The following TCAF2 variants were observed in gnomAD, a reference collection of about 807,000 sequenced individuals.
TCAF2 encodes TRPM8 channel-associated factor 2.
Under a neutral mutation model 33.9 loss-of-function variants are expected in TCAF2, and 6 were observed. The ratio of observed to expected loss-of-function variants is 0.18; its 90% CI spans 0.10 to 0.35. TCAF2 has a LOEUF of 0.35. TCAF2 is among the 10% of genes least tolerant of loss of function. TCAF2 has a pLI of 1.00. For synonymous variants in TCAF2, 41 were observed against 247.8 expected (o/e 0.17, Z 7.84); for missense variants, 109 against 604.0 (o/e 0.18, Z 8.59).
rs1809725441 is a variant in TCAF2, at chr7:143,728,152, G to T, written c.*485G>T. ...AATCACTCCACCTCTCTGTGTTTCT[G>T]TCTTCACATCCATGACATGAGGATA... is the stretch of plus-strand genomic sequence containing the variant. On this transcript the variant is annotated 3_prime_UTR_variant, in exon 8 of 8. Transcript: ENST00000684770. 5.2e-6 allele frequency: 1 copy of T among 192,664 alleles called. No individual in the cohort carries two copies. Among genetic ancestry groups the T allele is most frequent in the South Asian group, 9.6e-5 (1 of 10,370 alleles). The allele number at this position is 192,664 out of a possible 1,614,324, so 11.9% of individuals were successfully genotyped here.
rs375681877 is a variant in TCAF2 at position 143,724,603 on chromosome 7, C to G, written c.2411C>G (p.Pro804Arg). The G allele has an allele frequency of 1.2e-6, 2 of 1,610,782 alleles. No individual in the cohort carries two copies. The highest frequency in any genetic ancestry group is 1.7e-5 in the Admixed American group (1 of 59,940). ...PRAQAHEALS[P>R]PERERRIKAH... ...GCTCAGGCCCACGAGGCTCTGAGCC[C>G]TCCAGAGCGAGAGAGGAGAATCAAG... The change falls in exon 7 of 8, where the codon CCT becomes CGT. Residue 804 changes from proline to arginine, a missense_variant. Coordinates refer to ENST00000684770, the MANE Select transcript of TCAF2 (RefSeq NM_001363538.2).
Position 143,724,564 on chromosome 7 carries a change from T to G in TCAF2, c.2372T>G (p.Leu791Arg). Residue 791 changes from leucine (L) to arginine (R), a missense_variant, in exon 7 of 8, where the codon CTG becomes CGG. By Grantham distance (102) the Leu-to-Arg change is moderately radical. Transcript: ENST00000684770. ...LWSVYVHETV[L>R]GIPRAQAHEA... ...TCAGTCTACGTGCATGAAACAGTCC[T>G]GGGGATCCCCAGGGCTCAGGCCCAC... The G allele has an allele frequency of 6.2e-7, 1 of 1,610,896 alleles. No individual in the cohort carries two copies.
At position 143,719,962 on chromosome 7, in the gene TCAF2, T is replaced by TG; in HGVS notation, c.907dup (p.Val303GlyfsTer39). The TG allele has an allele frequency of 6.6e-7, 1 of 1,524,154 alleles. No homozygotes were observed. The highest frequency in any genetic ancestry group is 9.0e-7 in the Non-Finnish European group (1 of 1,115,192). The allele number at this position is 1,524,154 out of a possible 1,614,324, so 94.4% of individuals were successfully genotyped here. On this transcript the variant is annotated frameshift_variant, in exon 3 of 8. Transcript: ENST00000684770. LOFTEE classifies it high-confidence loss of function. ...TGGCCAGAGGCCAGACAGGCAAAGT[T>TG]GGGGTGAACACAAATCTAAAAGATC...
rs753052166 is a variant in TCAF2 at position 143,720,756 on chromosome 7, G to C, written c.1615+82G>C. The stretch of plus-strand genomic sequence containing the variant: ...GGCTGACACTACACAGGACATTGCA[G>C]GTACTTACCCTCAGGAAGATTGACC... On this transcript the variant is annotated intron_variant, in intron 3 of 7. Transcript: ENST00000684770. The C allele has an allele frequency of 3.3e-5, 35 of 1,066,490 alleles. 12 individuals are homozygous for C. Among genetic ancestry groups the C allele is most frequent in the Non-Finnish European group, 4.3e-5 (35 of 807,964 alleles). 66.1% of individuals were successfully genotyped at this position (1,066,490 alleles called of 1,614,324 possible).
chr7:143,725,415 C>T (rs987724914), intron 7 of TCAF2, among the ~76,000 whole-genome samples: 21 of 152,030 alleles, frequency 1.4e-4, no homozygotes, highest in Non-Finnish European at 2.5e-4. Context: ...CCTGCAATGT[C>T]TCCCACAGCT....
intron 7 of TCAF2, among the ~76,000 whole-genome samples, chr7:143,726,125 A>G (rs1448909190): frequency 6.6e-6 from 1 of 152,130 alleles, no homozygotes; most frequent in African/African-American, 2.4e-5. Context: ...GAGGCCCTTC[A>G]TGACCAGCCT....
rs1176966176 is a variant in TCAF2, at chr7:143,728,001, C to G, written c.*334C>G. 1 of 169,012 alleles carries G rather than the reference C, an allele frequency of 5.9e-6. No individual in the cohort carries two copies. Among genetic ancestry groups the G allele is most frequent in the Non-Finnish European group, 1.3e-5 (1 of 78,472 alleles). The allele number at this position is 169,012 out of a possible 1,614,324, so 10.5% of individuals were successfully genotyped here. On this transcript the variant is annotated 3_prime_UTR_variant, in exon 8 of 8. Transcript: ENST00000684770. ...CGGGTTCCCATAACAACCTGATATCCCTTTCTCATCCCTGCCATCCCTGAA... is the reference window on the plus strand; with the variant it reads ...CGGGTTCCCATAACAACCTGATATCGCTTTCTCATCCCTGCCATCCCTGAA...
rs749450864 is a variant in TCAF2, at chr7:143,724,492, GA to G, written c.2301del (p.Trp768GlyfsTer35). Reference protein sequence around the residue: ...HELGHNQQRHGWEFPPHTTEA... With the variant: ...HELGHNQQRHXWEFPPHTTEA... ...CTGGGCCACAACCAACAGCGGCATG[GA>G]TGGGAGTTCCCCCCACACACTACTG... On this transcript the variant is annotated frameshift_variant, in exon 7 of 8. Transcript: ENST00000684770. LOFTEE classifies it high-confidence loss of function. The G allele has an allele frequency of 3.1e-6, 5 of 1,611,276 alleles. No homozygotes were observed. In the South Asian group the frequency reaches 5.5e-5, roughly 18 times the overall value.
Position 143,729,314 on chromosome 7 carries a change from T to C in TCAF2, c.*1647T>C, listed in dbSNP as rs750893191. The C allele has an allele frequency of 1.3e-5, 2 of 152,204 alleles. No homozygotes were observed. Among genetic ancestry groups the C allele is most frequent in the African/African-American group, 2.4e-5 (1 of 41,456 alleles). 9.4% of individuals were successfully genotyped at this position (152,204 alleles called of 1,614,324 possible). Reference sequence around the variant, plus strand: ...AATAAAAGGAAGAACCAGGGTTTAATTGAAGCCCATAGCAATGAAAACATT... The same window carrying C: ...AATAAAAGGAAGAACCAGGGTTTAACTGAAGCCCATAGCAATGAAAACATT... On this transcript the variant is annotated 3_prime_UTR_variant, in exon 8 of 8. Coordinates refer to ENST00000684770, the MANE Select transcript of TCAF2 (RefSeq NM_001363538.2).
In TCAF2 at chr7:143,720,965, A is replaced by C. The variant is rs1480756838; in HGVS notation, c.1615+291A>C. ...TGGCTAATTTTTGTATTTTTAGTAG[A>C]GAGGGAGTTTCACCGTAAAGGTAAG... is the stretch of plus-strand genomic sequence containing the variant. On this transcript the variant is annotated intron_variant, in intron 3 of 7. Coordinates refer to ENST00000684770, the MANE Select transcript of TCAF2 (RefSeq NM_001363538.2). 4 of 320,488 alleles carry C rather than the reference A, an allele frequency of 1.2e-5. No individual in the cohort carries two copies. In the East Asian group the frequency reaches 2.4e-4, roughly 19 times the overall value. The allele number at this position is 320,488 out of a possible 1,614,324, so 19.9% of individuals were successfully genotyped here.
chr7:143,647,987 C>T (rs1464219437), intron 1 of TCAF2, among the ~76,000 whole-genome samples: 1 of 118,854 alleles, frequency 8.4e-6, no homozygotes, highest in Admixed American at 9.7e-5. Context: ...GGCACAATCT[C>T]GGCTCACTGC....
At chr7:143,726,148 TA>T (rs1454957991) in intron 7 of TCAF2, among the ~76,000 whole-genome samples, 1 of 151,714 alleles carries the variant, frequency 6.6e-6, no homozygotes, top group Admixed American at 6.6e-5. Context: ...CCAGCACCTC[TA>T]GCTACATCTC....
At position 143,720,933 on chromosome 7, in the gene TCAF2, C is replaced by A; in HGVS notation, c.1615+259C>A. 3 of 348,976 alleles carry A rather than the reference C, an allele frequency of 8.6e-6. 1 individual carries two copies. The highest frequency in any genetic ancestry group is 1.1e-4 in the East Asian group (2 of 19,008). The allele number at this position is 348,976 out of a possible 1,614,324, so 21.6% of individuals were successfully genotyped here. A position where few individuals can be genotyped will look rare whatever the true frequency, so the allele number is the denominator to read the frequency against. ...TTGCTGGGACTACAGGCACACGCCA[C>A]CATGCCTGGCTAATTTTTGTATTTT... On this transcript the variant is annotated intron_variant, in intron 3 of 7. Coordinates refer to ENST00000684770, the MANE Select transcript of TCAF2 (RefSeq NM_001363538.2).
intron 2 of TCAF2, among the ~76,000 whole-genome samples, chr7:143,718,628 C>G (rs935366129): frequency 7.1e-6 from 1 of 139,974 alleles, no homozygotes; most frequent in Non-Finnish European, 1.5e-5. Flanking sequence ...TCTTGAAATA[C>G]AAAGCCTTTT....
At position 143,648,325 on chromosome 7, in the gene TCAF2, C is replaced by T. The variant is rs1386312537; in HGVS notation, c.-12+27305C>T. Among the ~76,000 whole-genome samples, 362 of 81,044 alleles carry T rather than the reference C, an allele frequency of 4.5e-3. 1 individual carries two copies. Among genetic ancestry groups the T allele is most frequent in the African/African-American group, 0.012 (347 of 28,708 alleles). 53.2% of individuals were successfully genotyped at this position (81,044 alleles called of 152,430 possible). A position where few individuals can be genotyped will look rare whatever the true frequency, so the allele number is the denominator to read the frequency against. On this transcript the variant is annotated intron_variant, in intron 1 of 7. Coordinates refer to ENST00000684770, the MANE Select transcript of TCAF2 (RefSeq NM_001363538.2). Reference sequence around the variant, plus strand: ...GCCCTTACTTGCATATCTTAAAATCCACATTTTCTAAATGAACACCTCCAG... The same window carrying T: ...GCCCTTACTTGCATATCTTAAAATCTACATTTTCTAAATGAACACCTCCAG...
chr7:143,719,448 C>T (rs1316520636), intron 2 of TCAF2, among the ~76,000 whole-genome samples: 1 of 97,766 alleles, frequency 1.0e-5, no homozygotes, highest in South Asian at 4.3e-4. Flanking sequence ...AAAGACTAAA[C>T]GTTGCCAATT....
At chr7:143,648,070 C>T (rs1339728480) in intron 1 of TCAF2, among the ~76,000 whole-genome samples, 2 of 96,844 alleles carry the variant, frequency 2.1e-5, no homozygotes, top group African/African-American at 6.8e-5. Flanking sequence ...AGGTGCGTGC[C>T]ACCACACCCA....
Position 143,728,585 on chromosome 7 carries a change from A to G in TCAF2, c.*918A>G, listed in dbSNP as rs760422300. ...TGTTAACAGCTGCTACTAAGTCTAT[A>G]TGCCCATTCGTTCATACCACAAAAC... On this transcript the variant is annotated 3_prime_UTR_variant, in exon 8 of 8. Transcript: ENST00000684770. 16 of 152,152 alleles carry G rather than the reference A, an allele frequency of 1.1e-4. No homozygotes were observed. The highest frequency in any genetic ancestry group is 1.9e-4 in the Non-Finnish European group (13 of 68,028). 9.4% of individuals were successfully genotyped at this position (152,152 alleles called of 1,614,324 possible).
intron 2 of TCAF2, among the ~76,000 whole-genome samples, chr7:143,718,537 A>C (rs1221566331): frequency 1.3e-5 from 2 of 151,790 alleles, no homozygotes; most frequent in Non-Finnish European, 2.9e-5. Flanking sequence ...TATGGTTTGC[A>C]ATCTATTGTT....
Sources: gnomAD v4.1 joint callset for allele counts (sites outside exome capture counted in the v4.1 genomes callset) on GRCh38, gnomAD v4.1.1 for gene constraint, MANE v1.5 for transcripts, NCBI Gene and HGNC (gene_info 2026-07-23, HGNC 2026-07-21) for gene names.